Variants in SELENOI observed in about 807,000 individuals in gnomAD.
SELENOI encodes the protein ethanolaminephosphotransferase 1.
In SELENOI, 24 loss-of-function variants were observed where a neutral mutation model predicts 50.7. That is an observed-to-expected ratio of 0.47 (90% confidence interval 0.34 to 0.67). The LOEUF is 0.67. SELENOI is among the 30% of genes least tolerant of loss of function. The pLI, the probability that SELENOI is intolerant of heterozygous loss-of-function variation, is 0.01. For missense variants in SELENOI, 352 were observed against 461.4 expected (o/e 0.76, Z 2.17); for synonymous variants, 155 against 170.2 (o/e 0.91, Z 0.70).
At chr2:26,347,660 C>G (rs1044353127) in intron 1 of SELENOI, among the ~76,000 whole-genome samples, 2 of 152,146 alleles carry the variant, frequency 1.3e-5, no homozygotes, top group African/African-American at 4.8e-5. Flanking sequence ...GCTCTACTCC[C>G]CTTTTGTTGT....
intron 4 of SELENOI, among the ~76,000 whole-genome samples, chr2:26,370,175 G>A (rs1399324035): frequency 2.0e-5 from 3 of 151,582 alleles, no homozygotes; most frequent in Non-Finnish European, 4.4e-5. Flanking sequence ...AGGGTTGGGG[G>A]TAAGGTCACA....
intron 1 of SELENOI, among the ~76,000 whole-genome samples, chr2:26,354,103 A>G (rs559980168): frequency 1.3e-5 from 2 of 152,292 alleles, no homozygotes; most frequent in Non-Finnish European, 2.9e-5. Flanking sequence ...ACATTTATAT[A>G]TTGTATACTC....
chr2:26,376,301 AT>A (rs1677566489), intron 6 of SELENOI, among the ~76,000 whole-genome samples: 1 of 152,120 alleles, frequency 6.6e-6, no homozygotes, highest in Non-Finnish European at 1.5e-5. Context: ...TCAAATGTTC[AT>A]TTTTGATACC....
At chr2:26,385,396 G>A (rs917480232) in intron 8 of SELENOI, among the ~76,000 whole-genome samples, 9 of 152,132 alleles carry the variant, frequency 5.9e-5, no homozygotes, top group East Asian at 1.9e-4. Context: ...TTGGTTGCCC[G>A]CTGAAGAATT....
intron 9 of SELENOI, 65 bp from the exon 10 acceptor site, chr2:26,388,940 C>T: frequency 7.9e-7 from 1 of 1,259,680 alleles, no homozygotes; most frequent in South Asian, 1.3e-5. Context: ...GGGGTAAATT[C>T]TGTGTGCTTT....
At chr2:26,366,675 C>T (rs1677292572) in intron 3 of SELENOI, among the ~76,000 whole-genome samples, 1 of 152,148 alleles carries the variant, frequency 6.6e-6, no homozygotes, top group Non-Finnish European at 1.5e-5. Context: ...CAGAATGATT[C>T]TGATGCCCAA....
intron 6 of SELENOI, among the ~76,000 whole-genome samples, chr2:26,378,029 T>G (rs1275809801): frequency 1.3e-5 from 2 of 152,334 alleles, no homozygotes; most frequent in East Asian, 3.9e-4. Flanking sequence ...TAAGTAGCTC[T>G]TGTCTCTGTT....
intron 1 of SELENOI, among the ~76,000 whole-genome samples, chr2:26,361,437 G>A (rs1273682175): frequency 1.3e-5 from 2 of 152,168 alleles, no homozygotes; most frequent in South Asian, 2.1e-4. Context: ...ACAATGTACT[G>A]TTATTACATT....
intron 1 of SELENOI, 82 bp from the exon 2 acceptor site, chr2:26,364,220 T>A: frequency 9.7e-7 from 1 of 1,034,000 alleles, no homozygotes; most frequent in Non-Finnish European, 1.5e-6. Flanking sequence ...CTGGCTTTAC[T>A]ATTATTTTCA....
intron 2 of SELENOI, among the ~76,000 whole-genome samples, 192 bp from the exon 3 acceptor site, chr2:26,364,640 A>G (rs1677249266): frequency 6.6e-6 from 1 of 152,160 alleles, no homozygotes; most frequent in African/African-American, 2.4e-5. Context: ...CTGATTACAG[A>G]GTTAGTTAAA....
intron 1 of SELENOI, among the ~76,000 whole-genome samples, chr2:26,361,136 C>T (rs1391180009): frequency 6.6e-6 from 1 of 152,152 alleles, no homozygotes; most frequent in Non-Finnish European, 1.5e-5. Context: ...ATGGCATGAA[C>T]CTGGGAGGCG....
intron 6 of SELENOI, among the ~76,000 whole-genome samples, chr2:26,382,622 G>C (rs944419710): frequency 1.3e-5 from 2 of 152,080 alleles, no homozygotes; most frequent in Non-Finnish European, 2.9e-5. Context: ...GGGTTTCTTG[G>C]GAAGGCCATC....
Position 26,386,414 on chromosome 2 carries a change from G to T in SELENOI, c.973G>T (p.Val325Phe). 1 of 1,613,866 alleles carries T rather than the reference G, an allele frequency of 6.2e-7. No individual in the cohort carries two copies. Among genetic ancestry groups the T allele is most frequent in the Non-Finnish European group, 8.5e-7 (1 of 1,179,846 alleles). The change falls in exon 9 of 10, where the codon GTT becomes TTT. Residue 325 changes from valine (V) to phenylalanine (F), a missense_variant. Coordinates refer to ENST00000260585, the MANE Select transcript of SELENOI (RefSeq NM_033505.4). Reference sequence around the variant, plus strand: ...GTGTCCAACTTTGAATTGGTTGCTGGTTCCTCTCTTCTTGGTTGTCTTAGT... The same window carrying T: ...GTGTCCAACTTTGAATTGGTTGCTGTTTCCTCTCTTCTTGGTTGTCTTAGT... ...TRCPTLNWLL[V>F]PLFLVVLVVN...
intron 1 of SELENOI, among the ~76,000 whole-genome samples, chr2:26,363,061 G>T (rs1383664225): frequency 6.6e-6 from 1 of 152,170 alleles, no homozygotes; most frequent in Non-Finnish European, 1.5e-5. Context: ...AGTAACTGGG[G>T]AATAAGCTCC....
chr2:26,362,861 C>A (rs964478409), intron 1 of SELENOI, among the ~76,000 whole-genome samples: 1 of 152,106 alleles, frequency 6.6e-6, no homozygotes, highest in Admixed American at 6.5e-5. Flanking sequence ...TGTGAACCCT[C>A]AAGGAGGGTT....
chr2:26,394,089 C>G lies in SELENOI; in HGVS notation c.*4986C>G, dbSNP rs1245531027. 6.6e-6 allele frequency: 1 copy of G among 152,222 alleles called. No homozygotes were observed. The highest frequency in any genetic ancestry group is 2.4e-5 in the African/African-American group (1 of 41,450). The allele number at this position is 152,222 out of a possible 1,614,324, so 9.4% of individuals were successfully genotyped here. A position where few individuals can be genotyped will look rare whatever the true frequency, so the allele number is the denominator to read the frequency against. On this transcript the variant is annotated 3_prime_UTR_variant, in exon 10 of 10. Coordinates refer to ENST00000260585, the MANE Select transcript of SELENOI (RefSeq NM_033505.4). The surrounding 1 kb of genome is among the most constrained non-coding windows in gnomAD (Gnocchi z 4.1). ...GTTGTAGAAGGAGCCTGTTATAATT[C>G]TGCAAGATCTGTGAATAGCATTATA...
In SELENOI at chr2:26,358,462, C is replaced by T. The variant is rs186242803; in HGVS notation, c.58-5840C>T. Among the ~76,000 whole-genome samples, 16 of 152,232 alleles carry T rather than the reference C, an allele frequency of 1.1e-4. No individual in the cohort carries two copies. In the East Asian group the frequency reaches 2.9e-3, roughly 28 times the overall value. ...CTCAAACTCCTGGGCTCAAGTGATT[C>T]CCCCACCCCACCTCAGCCTCCCAAG... On this transcript the variant is annotated intron_variant, in intron 1 of 9. Coordinates refer to ENST00000260585, the MANE Select transcript of SELENOI (RefSeq NM_033505.4).
chr2:26,384,787 C>T (rs1210716261), intron 7 of SELENOI, among the ~76,000 whole-genome samples, 172 bp from the exon 8 acceptor site: 1 of 152,138 alleles, frequency 6.6e-6, no homozygotes, highest in African/African-American at 2.4e-5. Flanking sequence ...ATTCTCTTAT[C>T]CTCACTTAGC....
chr2:26,351,214 A>T (rs1428288193), intron 1 of SELENOI, among the ~76,000 whole-genome samples: 1 of 151,854 alleles, frequency 6.6e-6, no homozygotes, highest in Non-Finnish European at 1.5e-5. Flanking sequence ...ACGCACCACC[A>T]CACCCGGCTA....
Sources: allele counts gnomAD v4.1 joint callset (sites outside exome capture counted in the v4.1 genomes callset), GRCh38; gene constraint gnomAD v4.1.1; non-coding constraint Gnocchi (gnomAD v3.1); transcripts MANE v1.5; gene names NCBI Gene and HGNC (gene_info 2026-07-23, HGNC 2026-07-21).